The following RXRB variants were observed in gnomAD, a reference collection of about 807,000 sequenced individuals.
RXRB encodes retinoid X receptor beta.
Under a neutral mutation model 52.5 loss-of-function variants are expected in RXRB, and 18 were observed. The observed-to-expected ratio is 0.34, with a 90% CI of 0.24 to 0.51. The LOEUF is 0.51. Among genes scored for constraint, RXRB ranks in the 20% least tolerant of loss-of-function variants. RXRB has a pLI of 0.97. For missense variants in RXRB, 455 were observed against 698.2 expected, an observed-to-expected ratio of 0.65 and a Z score of 3.92; for synonymous variants, 233 against 267.1, an observed-to-expected ratio of 0.87 and a Z score of 1.25.
At chr6:33,199,723 T>C (rs1036900645) in intron 1 of RXRB, 2 of 425,894 alleles carry the variant, frequency 4.7e-6, no homozygotes, top group East Asian at 9.3e-5. Context: ...TAACTCCTCA[T>C]TGTGGTGAGA....
chr6:33,200,787 G>A, upstream of RXRB: 1 of 1,531,770 alleles, frequency 6.5e-7, no homozygotes, highest in Non-Finnish European at 8.8e-7. The surrounding 1 kb of genome is among the most constrained non-coding windows in gnomAD (Gnocchi z 6.3). Context: ...GCGCATGCGT[G>A]TCAGTGCAGG....
Position 33,194,911 on chromosome 6 carries a change from AAGGGAGCCTCAGT to A in RXRB, c.1454+21_1454+33del. 6.2e-7 allele frequency: 1 copy of A among 1,609,194 alleles called. No individual in the cohort carries two copies. The highest frequency in any genetic ancestry group is 8.5e-7 in the Non-Finnish European group (1 of 1,176,892). On this transcript the variant is annotated intron_variant, in intron 9 of 9. Coordinates refer to ENST00000374680, the MANE Select transcript of RXRB (RefSeq NM_021976.5). This position sits in a 1 kb window ranked among gnomAD's most constrained non-coding sequence, Gnocchi z 4.1. Reference sequence around the variant, plus strand: ...CATCCTCATAGCACTCCCCACCCCCAAGGGAGCCTCAGTGCCCCCCAGCCCCATCTCACCGTCC... The same window carrying A: ...CATCCTCATAGCACTCCCCACCCCCAGCCCCCCAGCCCCATCTCACCGTCC...
Position 33,195,718 on chromosome 6 carries a change from A to C in RXRB, c.1124-16T>G. On this transcript the variant is annotated splice_polypyrimidine_tract_variant and intron_variant, in intron 6 of 9. Coordinates refer to ENST00000374680, the MANE Select transcript of RXRB (RefSeq NM_021976.5). This position sits in a 1 kb window ranked among gnomAD's most constrained non-coding sequence, Gnocchi z 8.6. Reference sequence around the variant, plus strand: ...TCATTCCAGCCTGGGTGGGGCAGCAAGGGTCAGGAGCCAGAAATCAGGCCA... The same window carrying C: ...TCATTCCAGCCTGGGTGGGGCAGCACGGGTCAGGAGCCAGAAATCAGGCCA... 2.5e-6 allele frequency: 4 copies of C among 1,610,416 alleles called. No homozygotes were observed. The highest frequency in any genetic ancestry group is 3.4e-6 in the Non-Finnish European group (4 of 1,179,724).
At position 33,194,993 on chromosome 6, in the gene RXRB, G is replaced by A; in HGVS notation, c.1406C>T (p.Ala469Val). The change falls in exon 9 of 10, where the codon GCA (alanine) becomes GTA (valine). Residue 469 changes from alanine to valine, a missense_variant. By Grantham distance (64) the Ala-to-Val change is moderately conservative. This residue lies in a region of RXRB where 115 missense variants were observed against 253.1 expected (regional missense o/e 0.45). Transcript: ENST00000374680. The surrounding 1 kb of genome is among the most constrained non-coding windows in gnomAD (Gnocchi z 4.1). ...CTGTTTGCAGTAGGTCTCCAGTGAT[G>A]CATACACTTTCTCCCGCAGGACCTC... ...EVEVLREKVY[A>V]SLETYCKQKY... The A allele has an allele frequency of 6.2e-7, 1 of 1,612,964 alleles. No individual in the cohort carries two copies. Among genetic ancestry groups the A allele is most frequent in the Non-Finnish European group, 8.5e-7 (1 of 1,179,996 alleles).
rs929363710 is a variant in RXRB at position 33,193,991 on chromosome 6, T to C, written c.*691A>G. ...CACCCACCTCCACCACTGGCATTTCTTAGTCAACCTGGGAAAGTACAGTAC... is the reference window on the plus strand; with the variant it reads ...CACCCACCTCCACCACTGGCATTTCCTAGTCAACCTGGGAAAGTACAGTAC... On this transcript the variant is annotated 3_prime_UTR_variant, in exon 10 of 10. Coordinates refer to ENST00000374680, the MANE Select transcript of RXRB (RefSeq NM_021976.5). The C allele has an allele frequency of 2.6e-5, 4 of 152,328 alleles. No homozygotes were observed. Among genetic ancestry groups the C allele is most frequent in the Admixed American group, 2.0e-4 (3 of 15,290 alleles). The allele number at this position is 152,328 out of a possible 1,614,324, so 9.4% of individuals were successfully genotyped here. A position where few individuals can be genotyped will look rare whatever the true frequency, so the allele number is the denominator to read the frequency against.
Position 33,195,308 on chromosome 6 carries a change from G to A in RXRB, c.1348+55C>T. On this transcript the variant is annotated intron_variant, in intron 8 of 9. Coordinates refer to ENST00000374680, the MANE Select transcript of RXRB (RefSeq NM_021976.5). This position sits in a 1 kb window ranked among gnomAD's most constrained non-coding sequence, Gnocchi z 8.6. The stretch of plus-strand genomic sequence containing the variant: ...TGGGTAACTTAGGAGTCTCGGAGAA[G>A]AGGAGGCTCCAAGGTTGCCTTGGCC... 1 of 1,110,790 alleles carries A rather than the reference G, an allele frequency of 9.0e-7. No homozygotes were observed. The highest frequency in any genetic ancestry group is 1.2e-5 in the South Asian group (1 of 80,954). 68.8% of individuals were successfully genotyped at this position (1,110,790 alleles called of 1,614,324 possible).
Position 33,200,210 on chromosome 6 carries a change from T to G in RXRB, c.235+32A>C. The G allele has an allele frequency of 6.2e-7, 1 of 1,600,294 alleles. No homozygotes were observed. The highest frequency in any genetic ancestry group is 8.5e-7 in the Non-Finnish European group (1 of 1,174,228). The stretch of plus-strand genomic sequence containing the variant: ...GAGGGGTCGCAGATAAAGCGGTCAC[T>G]GGCTCGCCTGCCCTTCTGCTGGGGC... On this transcript the variant is annotated intron_variant, in intron 1 of 9. Transcript: ENST00000374680. This position sits in a 1 kb window ranked among gnomAD's most constrained non-coding sequence, Gnocchi z 6.3.
In RXRB at chr6:33,194,727, G is replaced by A; in HGVS notation, c.1557C>T (p.Asp519=). The A allele has an allele frequency of 5.0e-6, 8 of 1,613,196 alleles. No homozygotes were observed. The highest frequency in any genetic ancestry group is 6.8e-6 in the Non-Finnish European group (8 of 1,180,020). ...FFKLIGDTPI[D]TFLMEMLEAP... ...CCTCAAGCATCTCCATGAGGAAGGT[G>A]TCGATGGGGGTGTCACCAATGAGCT... Residue 519 remains aspartate, a synonymous_variant, in exon 10 of 10, where the codon GAC becomes GAT. Transcript: ENST00000374680. The surrounding 1 kb of genome is among the most constrained non-coding windows in gnomAD (Gnocchi z 4.1).
chr6:33,196,166 G>C lies in RXRB; in HGVS notation c.994-130C>G. 1 of 1,176,626 alleles carries C rather than the reference G, an allele frequency of 8.5e-7. No individual in the cohort carries two copies. The highest frequency in any genetic ancestry group is 2.4e-5 in the East Asian group (1 of 42,044). 72.9% of individuals were successfully genotyped at this position (1,176,626 alleles called of 1,614,324 possible). A position where few individuals can be genotyped will look rare whatever the true frequency, so the allele number is the denominator to read the frequency against. ...GCCCCATCCAAACCAATCCCTGTAA[G>C]TGAGTCTTCTCTTCTGGCATTAGTG... On this transcript the variant is annotated intron_variant, in intron 5 of 9. Coordinates refer to ENST00000374680, the MANE Select transcript of RXRB (RefSeq NM_021976.5). The surrounding 1 kb of genome is among the most constrained non-coding windows in gnomAD (Gnocchi z 4.0).
rs1287723748 is a variant in RXRB at position 33,198,378 on chromosome 6, GTGC to G, written c.567_569del (p.His190del). On this transcript the variant is annotated inframe_deletion, in exon 3 of 10. Coordinates refer to ENST00000374680, the MANE Select transcript of RXRB (RefSeq NM_021976.5). ...CAGGGCCACCTGGAGGGGGTGGACA[GTGC>G]AGGCCCCGGACCCCTAAGACTGGTG... 1 of 1,612,834 alleles carries G rather than the reference GTGC, an allele frequency of 6.2e-7. No homozygotes were observed. The highest frequency in any genetic ancestry group is 2.2e-5 in the East Asian group (1 of 44,900).
chr6:33,200,112 G>A lies in RXRB; in HGVS notation c.235+130C>T, dbSNP rs1727559757. 18 of 1,297,600 alleles carry A rather than the reference G, an allele frequency of 1.4e-5. No individual in the cohort carries two copies. Among genetic ancestry groups the A allele is most frequent in the Middle Eastern group, 1.8e-4 (1 of 5,466 alleles). The allele number at this position is 1,297,600 out of a possible 1,614,324, so 80.4% of individuals were successfully genotyped here. ...GGGGGGAGGGTGCTAAGGCCCTCGG[G>A]AGGGAGGGGACGCGTGTTTACAAAC... is the stretch of plus-strand genomic sequence containing the variant. On this transcript the variant is annotated intron_variant, in intron 1 of 9. Transcript: ENST00000374680. The surrounding 1 kb of genome is among the most constrained non-coding windows in gnomAD (Gnocchi z 6.3).
At chr6:33,198,010 A>ATC (rs1554230103) in intron 3 of RXRB, 69 bp from the exon 4 acceptor site, 1 of 1,511,356 alleles carries the variant, frequency 6.6e-7, no homozygotes, top group Non-Finnish European at 9.0e-7. Context: ...TCTGTTTCCA[A>ATC]TCTCCCCCTA....
chr6:33,197,734 A>C lies in RXRB; in HGVS notation c.820+28T>G. ...GATAAGGGAGAAGGGCATGTGGTCT[A>C]AGACGCCTGGGCAGGGCGGGTCCTT... On this transcript the variant is annotated intron_variant, in intron 4 of 9. Coordinates refer to ENST00000374680, the MANE Select transcript of RXRB (RefSeq NM_021976.5). The surrounding 1 kb of genome is among the most constrained non-coding windows in gnomAD (Gnocchi z 4.4). 6.2e-7 allele frequency: 1 copy of C among 1,611,144 alleles called. No individual in the cohort carries two copies. The highest frequency in any genetic ancestry group is 8.5e-7 in the Non-Finnish European group (1 of 1,178,328).
At position 33,196,364 on chromosome 6, in the gene RXRB, T is replaced by C. The variant is rs746356142; in HGVS notation, c.993+70A>G. 2.1e-6 allele frequency: 3 copies of C among 1,438,888 alleles called. No homozygotes were observed. The highest frequency in any genetic ancestry group is 9.8e-7 in the Non-Finnish European group (1 of 1,021,682). 89.1% of individuals were successfully genotyped at this position (1,438,888 alleles called of 1,614,324 possible). ...ATGAGGGGAAAGGAGGGGGAGGGGATGTAGAACAGACCTAGACTGCCTCCC... is the reference window on the plus strand; with the variant it reads ...ATGAGGGGAAAGGAGGGGGAGGGGACGTAGAACAGACCTAGACTGCCTCCC... On this transcript the variant is annotated intron_variant, in intron 5 of 9. Coordinates refer to ENST00000374680, the MANE Select transcript of RXRB (RefSeq NM_021976.5). This position sits in a 1 kb window ranked among gnomAD's most constrained non-coding sequence, Gnocchi z 4.0.
In RXRB at chr6:33,197,074, A is replaced by G. The variant is rs992709761; in HGVS notation, c.821-468T>C. ...ATTCATATAATACATGGCAGGTCAT[A>G]CAACTGACTCTAAGTGTGTCTGAGT... On this transcript the variant is annotated intron_variant, in intron 4 of 9. Transcript: ENST00000374680. The surrounding 1 kb of genome is among the most constrained non-coding windows in gnomAD (Gnocchi z 4.4). 2.0e-5 allele frequency among the ~76,000 whole-genome samples: 3 copies of G among 152,338 alleles called. No homozygotes were observed. In the East Asian group the frequency reaches 5.8e-4, roughly 29 times the overall value.
intron 2 of RXRB, 44 bp downstream of exon 2, chr6:33,199,125 G>A: frequency 3.1e-6 from 4 of 1,275,048 alleles, no homozygotes; most frequent in Non-Finnish European, 4.0e-6. Flanking sequence ...AGGAAAACAA[G>A]AAAATGAAAG....
upstream of RXRB, chr6:33,200,691 C>T (rs1007141585): frequency 1.9e-6 from 3 of 1,545,142 alleles, no homozygotes; most frequent in Admixed American, 2.0e-5. The surrounding 1 kb of genome is among the most constrained non-coding windows in gnomAD (Gnocchi z 6.3). Flanking sequence ...TTCCCGCCCC[C>T]TCGTCTAGTT....
chr6:33,197,864 A>T lies in RXRB; in HGVS notation c.718T>A (p.Ser240Thr), dbSNP rs780983323. 6.2e-7 allele frequency: 1 copy of T among 1,613,776 alleles called. No individual in the cohort carries two copies. ...KRTIRKDLTYSCRDNKDCTVD... is the reference protein window; with the variant it reads ...KRTIRKDLTYTCRDNKDCTVD... Reference sequence around the variant, plus strand: ...GTGCAGTCTTTGTTGTCCCGGCAAGAGTATGTAAGGTCTTTGCGGATGGTG... The same window carrying T: ...GTGCAGTCTTTGTTGTCCCGGCAAGTGTATGTAAGGTCTTTGCGGATGGTG... Residue 240 changes from serine (S) to threonine (T), a missense_variant, in exon 4 of 10, where the codon TCT becomes ACT. Coordinates refer to ENST00000374680, the MANE Select transcript of RXRB (RefSeq NM_021976.5). The surrounding 1 kb of genome is among the most constrained non-coding windows in gnomAD (Gnocchi z 4.4).
rs758231993 is a variant in RXRB, at chr6:33,200,319, ACCGCCGCCG to A, written c.149_157del (p.Ala50_Ala52del). 3.4e-5 allele frequency: 54 copies of A among 1,588,988 alleles called. No individual in the cohort carries two copies. The highest frequency in any genetic ancestry group is 6.9e-5 in the Admixed American group (4 of 58,034). ...CGGGGTTTGTTGTTCTCCGCCTGCC[ACCGCCGCCG>A]CCGCCGCCGCTGCGGGATCCAGCCA... On this transcript the variant is annotated inframe_deletion, in exon 1 of 10. Coordinates refer to ENST00000374680, the MANE Select transcript of RXRB (RefSeq NM_021976.5). The surrounding 1 kb of genome is among the most constrained non-coding windows in gnomAD (Gnocchi z 6.3).
Sources: allele counts gnomAD v4.1 joint callset (sites outside exome capture counted in the v4.1 genomes callset), GRCh38; gene constraint gnomAD v4.1.1; regional missense constraint gnomAD v4.1.1; non-coding constraint Gnocchi (gnomAD v3.1); transcripts MANE v1.5; gene names NCBI Gene and HGNC (gene_info 2026-07-23, HGNC 2026-07-21).